The following PLCB1 variants were observed in gnomAD, a reference collection of about 807,000 sequenced individuals.
The protein encoded by PLCB1 is phospholipase C beta 1, also known as 1-phosphatidylinositol 4,5-bisphosphate phosphodiesterase beta-1.
A neutral mutation model predicts 161.8 loss-of-function variants in PLCB1; 46 were observed. The ratio of observed to expected loss-of-function variants is 0.28; its 90% CI spans 0.22 to 0.36. The LOEUF is 0.36. Ranked by LOEUF, PLCB1 falls within the 10% of genes least tolerant of loss-of-function variation. The pLI is 1.00. For synonymous variants in PLCB1, 517 were observed against 503.7 expected, an observed-to-expected ratio of 1.03 and a Z score of -0.35; for missense variants, 1,016 against 1,472.5, an observed-to-expected ratio of 0.69 and a Z score of 5.07.
intron 27 of PLCB1, among the ~76,000 whole-genome samples, chr20:8,787,101 T>C (rs748072670): frequency 4.6e-5 from 7 of 152,238 alleles, no homozygotes; most frequent in Non-Finnish European, 7.3e-5. Context: ...GGGTTCCTTG[T>C]CACATGGCCA....
chr20:8,405,902 T>C (rs1164593305), intron 3 of PLCB1, among the ~76,000 whole-genome samples: 1 of 152,204 alleles, frequency 6.6e-6, no homozygotes, highest in Non-Finnish European at 1.5e-5. Context: ...GCTACTGACA[T>C]CTCTGCCCAA....
intron 3 of PLCB1, among the ~76,000 whole-genome samples, chr20:8,465,380 T>TC (rs1352020582): frequency 6.6e-6 from 1 of 152,128 alleles, no homozygotes; most frequent in Non-Finnish European, 1.5e-5. Context: ...ATTTTTTTTT[T>TC]CCTTCACTTA....
At chr20:8,394,219 A>G (rs1987694888) in intron 3 of PLCB1, among the ~76,000 whole-genome samples, 1 of 152,072 alleles carries the variant, frequency 6.6e-6, no homozygotes, top group Admixed American at 6.6e-5. Context: ...CTATTTCTAG[A>G]GCCTATTTTT....
At chr20:8,530,924 C>T (rs571677026) in intron 3 of PLCB1, among the ~76,000 whole-genome samples, 1 of 152,062 alleles carries the variant, frequency 6.6e-6, no homozygotes, top group South Asian at 2.1e-4. Flanking sequence ...TTGCTACATA[C>T]CAAATTGTCT....
At chr20:8,254,137 C>A (rs750113495) in intron 2 of PLCB1, among the ~76,000 whole-genome samples, 2 of 151,894 alleles carry the variant, frequency 1.3e-5, no homozygotes, top group Non-Finnish European at 2.9e-5. Context: ...TTCAGAGAAC[C>A]TTTTCCCTGC....
chr20:8,324,663 T>A (rs922276915), intron 2 of PLCB1, among the ~76,000 whole-genome samples: 10 of 152,202 alleles, frequency 6.6e-5, no homozygotes, highest in Non-Finnish European at 1.5e-4. Flanking sequence ...TGAAAGAGAA[T>A]AAGACCATTA....
chr20:8,519,858 T>G (rs1423572291), intron 3 of PLCB1, among the ~76,000 whole-genome samples: 1 of 152,204 alleles, frequency 6.6e-6, no homozygotes, highest in African/African-American at 2.4e-5. Context: ...AGTTTTCAGA[T>G]TTCTTGTTGG....
At chr20:8,221,134 C>T (rs773399039) in intron 2 of PLCB1, among the ~76,000 whole-genome samples, 12 of 152,066 alleles carry the variant, frequency 7.9e-5, no homozygotes, top group Non-Finnish European at 1.5e-5. Context: ...TATATCTTCT[C>T]AATGTTAATG....
chr20:8,861,503 A>C (rs1360014397), intron 31 of PLCB1, among the ~76,000 whole-genome samples: 1 of 152,020 alleles, frequency 6.6e-6, no homozygotes, highest in Non-Finnish European at 1.5e-5. Flanking sequence ...AGGCCAAGGC[A>C]GGTGGATCAC....
intron 3 of PLCB1, among the ~76,000 whole-genome samples, chr20:8,590,087 T>G (rs1445795219): frequency 6.6e-6 from 1 of 152,178 alleles, no homozygotes; most frequent in East Asian, 1.9e-4. Context: ...GTAGTCCCAC[T>G]TAAACTGATG....
chr20:8,340,093 A>G lies in PLCB1; in HGVS notation c.178-31289A>G, dbSNP rs552841620. On this transcript the variant is annotated intron_variant, in intron 2 of 31. Transcript: ENST00000338037. ...CACAACCCCTCCTGTTGTACTTCCT[A>G]CATATGATTGGTTTTCCAACTCTCT... 2.6e-5 allele frequency among the ~76,000 whole-genome samples: 4 copies of G among 152,214 alleles called. No individual in the cohort carries two copies. In the South Asian group the frequency reaches 8.3e-4, roughly 32 times the overall value.
chr20:8,777,502 T>C (rs1188719042), intron 27 of PLCB1, among the ~76,000 whole-genome samples: 1 of 152,036 alleles, frequency 6.6e-6, no homozygotes, highest in African/African-American at 2.4e-5. Context: ...GTGGATCACC[T>C]GAGTTCAGGA....
intron 2 of PLCB1, among the ~76,000 whole-genome samples, chr20:8,272,524 T>C (rs1430615211): frequency 6.6e-6 from 1 of 152,126 alleles, no homozygotes; most frequent in African/African-American, 2.4e-5. Context: ...CCTTGTAAGA[T>C]GTTTCTCAGT....
intron 2 of PLCB1, among the ~76,000 whole-genome samples, chr20:8,352,866 G>A (rs1049999621): frequency 2.6e-5 from 4 of 152,146 alleles, no homozygotes; most frequent in African/African-American, 9.7e-5. Context: ...TGTAGACATA[G>A]GCTAGAATTG....
At chr20:8,531,763 T>C (rs953044605) in intron 3 of PLCB1, among the ~76,000 whole-genome samples, 1 of 152,016 alleles carries the variant, frequency 6.6e-6, no homozygotes, top group Non-Finnish European at 1.5e-5. Context: ...TTAAAATATA[T>C]ATATATATGT....
At chr20:8,322,746 T>A (rs162221) in intron 2 of PLCB1, among the ~76,000 whole-genome samples, 9,022 of 152,204 alleles carry the variant, frequency 0.059, 368 homozygotes, top group Non-Finnish European at 0.091. Context: ...TTCCAAAGTT[T>A]TGAATTAAAC....
chr20:8,696,276 A>C (rs1990582450), intron 10 of PLCB1, among the ~76,000 whole-genome samples: 1 of 152,168 alleles, frequency 6.6e-6, no homozygotes, highest in African/African-American at 2.4e-5. Flanking sequence ...TCTGCACTTA[A>C]TTGTCTTGGC....
At chr20:8,686,942 GGAA>G (rs1203618101) in intron 10 of PLCB1, among the ~76,000 whole-genome samples, 1 of 152,050 alleles carries the variant, frequency 6.6e-6, no homozygotes, top group African/African-American at 2.4e-5. Flanking sequence ...AGTGAACAAA[GGAA>G]GAAAAGATAA....
chr20:8,319,124 C>T (rs916460039), intron 2 of PLCB1, among the ~76,000 whole-genome samples: 6 of 152,176 alleles, frequency 3.9e-5, no homozygotes, highest in African/African-American at 1.4e-4. Context: ...CTTACAGCTT[C>T]TAGGACATGG....
Sources: gnomAD v4.1 joint callset for allele counts (sites outside exome capture counted in the v4.1 genomes callset) on GRCh38, gnomAD v4.1.1 for gene constraint, MANE v1.5 for transcripts, NCBI Gene and HGNC (gene_info 2026-07-23, HGNC 2026-07-21) for gene names.